The following PCDHGA3 variants were observed in gnomAD, a reference collection of about 807,000 sequenced individuals.
PCDHGA3 encodes the protein protocadherin gamma subfamily A, 3.
Under a neutral mutation model 58.5 loss-of-function variants are expected in PCDHGA3, and 40 were observed. The observed-to-expected ratio is 0.68, with a 90% CI of 0.53 to 0.89. PCDHGA3 has a LOEUF of 0.89. Ranked by LOEUF, PCDHGA3 falls within the 40% of genes least tolerant of loss-of-function variation. The pLI is 0.00. For synonymous variants in PCDHGA3, 530 were observed against 525.7 expected, an observed-to-expected ratio of 1.01 and a Z score of -0.11; for missense variants, 1,223 against 1,195.9, an observed-to-expected ratio of 1.02 and a Z score of -0.33.
rs148279287 is a variant in PCDHGA3 at position 141,389,277 on chromosome 5, C to T, written c.2424+42820C>T. ...AGTCCACGTGGCCGAGAACAACCCG[C>T]CTGGAGCCTCTATTTCACAAGTCAG... On this transcript the variant is annotated intron_variant, in intron 1 of 3. Transcript: ENST00000253812. 7,343 of 1,614,014 alleles carry T rather than the reference C, an allele frequency of 4.5e-3. 34 individuals are homozygous for T. Among genetic ancestry groups the T allele is most frequent in the Middle Eastern group, 0.015 (93 of 6,062 alleles).
In PCDHGA3 at chr5:141,433,198, A is replaced by G. The variant is rs373769649; in HGVS notation, c.2425-61609A>G. 11 of 1,581,706 alleles carry G rather than the reference A, an allele frequency of 7.0e-6. No individual in the cohort carries two copies. The African/African-American group carries it at 1.1e-4, about 16-fold the overall frequency. On this transcript the variant is annotated intron_variant, in intron 1 of 3. Coordinates refer to ENST00000253812, the MANE Select transcript of PCDHGA3 (RefSeq NM_018916.4). ...GGTTAATTGAGGTGAGTTTATATCA[A>G]ATCTTCTTTCTTTTTTTTTTTTAAT...
At position 141,476,760 on chromosome 5, in the gene PCDHGA3, C is replaced by A; in HGVS notation, c.2425-18047C>A. The A allele has an allele frequency of 6.2e-7, 1 of 1,613,824 alleles. No homozygotes were observed. Among genetic ancestry groups the A allele is most frequent in the Non-Finnish European group, 8.5e-7 (1 of 1,180,010 alleles). On this transcript the variant is annotated intron_variant, in intron 1 of 3. Coordinates refer to ENST00000253812, the MANE Select transcript of PCDHGA3 (RefSeq NM_018916.4). This position sits in a 1 kb window ranked among gnomAD's most constrained non-coding sequence, Gnocchi z 7.6. ...GAGCCTAGTCTCCAGTTAGTGCTGA[C>A]GGCGTTGGACGGAGGGACCCCAGCT...
chr5:141,397,407 G>C (rs1383716790), intron 1 of PCDHGA3, among the ~76,000 whole-genome samples: 1 of 152,108 alleles, frequency 6.6e-6, no homozygotes. Context: ...TTACAAAATA[G>C]TTTTAAATAG....
chr5:141,391,331 G>A (rs75432065), intron 1 of PCDHGA3: 5 of 95,914 alleles, frequency 5.2e-5, no homozygotes, highest in Non-Finnish European at 6.3e-5. Context: ...TTTTTTTTTT[G>A]AGACAGAGTC....
Position 141,366,619 on chromosome 5 carries a change from G to A in PCDHGA3, c.2424+20162G>A, listed in dbSNP as rs769993265. On this transcript the variant is annotated intron_variant, in intron 1 of 3. Coordinates refer to ENST00000253812, the MANE Select transcript of PCDHGA3 (RefSeq NM_018916.4). ...ACGAGGTCTCCCTCACCGCGGACTC[G>A]AGGAAGAGTCACCTGATCTTTCCCC... 5.0e-6 allele frequency: 8 copies of A among 1,614,104 alleles called. No homozygotes were observed. In the African/African-American group the frequency reaches 6.7e-5, roughly 13 times the overall value.
At chr5:141,420,210 A>T (rs1415966611) in intron 1 of PCDHGA3, 1 of 1,612,612 alleles carries the variant, frequency 6.2e-7, no homozygotes, top group East Asian at 2.2e-5. Flanking sequence ...CTCAACAAAG[A>T]TAGCATGCTA....
Position 141,345,453 on chromosome 5 carries a change from G to T in PCDHGA3, c.1420G>T (p.Val474Leu). Reference sequence around the variant, plus strand: ...CCCCAGAGGAGCCTCCATCTTCTCAGTGACAGCCCAGGACCCAGATAGCAA... The same window carrying T: ...CCCCAGAGGAGCCTCCATCTTCTCATTGACAGCCCAGGACCCAGATAGCAA... ...NNPRGASIFS[V>L]TAQDPDSNNN... is the part of the protein sequence containing the mutation. The change falls in exon 1 of 4, where the codon GTG becomes TTG. Residue 474 changes from valine to leucine, a missense_variant. Val to Leu is a conservative substitution (Grantham distance 32). Transcript: ENST00000253812. 1 of 1,614,096 alleles carries T rather than the reference G, an allele frequency of 6.2e-7. No individual in the cohort carries two copies. Among genetic ancestry groups the T allele is most frequent in the Non-Finnish European group, 8.5e-7 (1 of 1,180,026 alleles).
At chr5:141,495,274 G>A (rs1396412578) in intron 2 of PCDHGA3, among the ~76,000 whole-genome samples, 1 of 152,190 alleles carries the variant, frequency 6.6e-6, no homozygotes, top group Non-Finnish European at 1.5e-5. Context: ...TTGACCGGAG[G>A]AGGCGGTCCG....
chr5:141,500,104 T>G (rs917633032), intron 2 of PCDHGA3, among the ~76,000 whole-genome samples: 4 of 152,124 alleles, frequency 2.6e-5, no homozygotes, highest in Non-Finnish European at 4.4e-5. Flanking sequence ...AATTTATTTG[T>G]TGAATCCCTG....
In PCDHGA3 at chr5:141,476,501, A is replaced by G; in HGVS notation, c.2425-18306A>G. 1.2e-6 allele frequency: 2 copies of G among 1,614,026 alleles called. No homozygotes were observed. Among genetic ancestry groups the G allele is most frequent in the Non-Finnish European group, 1.7e-6 (2 of 1,180,006 alleles). On this transcript the variant is annotated intron_variant, in intron 1 of 3. Coordinates refer to ENST00000253812, the MANE Select transcript of PCDHGA3 (RefSeq NM_018916.4). The surrounding 1 kb of genome is among the most constrained non-coding windows in gnomAD (Gnocchi z 7.6). ...CGTGGAAGTGGTGATCCAGGACATCAACGACAACAATCCTGCTTTCCCTAC... is the reference window on the plus strand; with the variant it reads ...CGTGGAAGTGGTGATCCAGGACATCGACGACAACAATCCTGCTTTCCCTAC...
intron 1 of PCDHGA3, chr5:141,424,513 T>C (rs1339689551): frequency 6.6e-6 from 1 of 152,224 alleles, no homozygotes; most frequent in Non-Finnish European, 1.5e-5. Context: ...GGTTTTTTAA[T>C]GTAGTAAATC....
At chr5:141,375,934 C>T in intron 1 of PCDHGA3, 3 of 1,613,738 alleles carry the variant, frequency 1.9e-6, no homozygotes, top group Non-Finnish European at 2.5e-6. Context: ...CAGGACTTTT[C>T]TCAGTGGGCC....
chr5:141,375,378 T>G, intron 1 of PCDHGA3: 1 of 1,613,954 alleles, frequency 6.2e-7, no homozygotes, highest in Non-Finnish European at 8.5e-7. Context: ...ACACCACCTC[T>G]GTCTACAGAA....
chr5:141,465,501 C>T (rs1044567555), intron 1 of PCDHGA3, among the ~76,000 whole-genome samples: 1 of 152,164 alleles, frequency 6.6e-6, no homozygotes, highest in Non-Finnish European at 1.5e-5. Context: ...GGAGCATTGT[C>T]GTGGTCAGGA....
chr5:141,467,055 C>CTT (rs1193465269), intron 1 of PCDHGA3, among the ~76,000 whole-genome samples: 5 of 134,496 alleles, frequency 3.7e-5, no homozygotes, highest in African/African-American at 5.4e-5. Context: ...TCAATGTTTT[C>CTT]TTTTTTTTTT....
chr5:141,394,362 C>T, intron 1 of PCDHGA3: 1 of 1,614,174 alleles, frequency 6.2e-7, no homozygotes, highest in Non-Finnish European at 8.5e-7. Flanking sequence ...CCTGTATGCG[C>T]TGCAATCTTT....
intron 3 of PCDHGA3, among the ~76,000 whole-genome samples, chr5:141,506,038 G>C (rs2099850248): frequency 6.6e-6 from 1 of 152,174 alleles, no homozygotes; most frequent in South Asian, 2.1e-4. Context: ...GTAGGATTCT[G>C]GTTTTCCCAT....
rs1461837957 is a variant in PCDHGA3, at chr5:141,432,613, G to C, written c.2425-62194G>C. The C allele has an allele frequency of 6.2e-7, 1 of 1,613,946 alleles. No homozygotes were observed. The highest frequency in any genetic ancestry group is 1.3e-5 in the African/African-American group (1 of 75,056). On this transcript the variant is annotated intron_variant, in intron 1 of 3. Coordinates refer to ENST00000253812, the MANE Select transcript of PCDHGA3 (RefSeq NM_018916.4). The surrounding 1 kb of genome is among the most constrained non-coding windows in gnomAD (Gnocchi z 6.0). ...AGGCCAGCGAGCCGGGACTCTTCTC[G>C]GTGGGTCTGCACACGGGCGAGGTGC...
intron 1 of PCDHGA3, among the ~76,000 whole-genome samples, chr5:141,438,635 TAC>T (rs56854727): frequency 0.14 from 4,591 of 32,686 alleles, 460 homozygotes; most frequent in Middle Eastern, 0.21. Flanking sequence ...TATATATATA[TAC>T]ACACACACAC....
Sources: allele counts gnomAD v4.1 joint callset (sites outside exome capture counted in the v4.1 genomes callset), GRCh38; gene constraint gnomAD v4.1.1; non-coding constraint Gnocchi (gnomAD v3.1); transcripts MANE v1.5; gene names NCBI Gene and HGNC (gene_info 2026-07-23, HGNC 2026-07-21).